THADA: variants seen among roughly 807,000 people sequenced by gnomAD.
THADA encodes the protein THADA armadillo repeat containing.
THADA carries 213 observed loss-of-function variants against 219.8 expected under a neutral mutation model. The observed-to-expected ratio is 0.97, with a 90% CI of 0.87 to 1.09. The LOEUF is 1.09. Among genes scored for constraint, THADA ranks in the 50% least tolerant of loss-of-function variants. THADA has a pLI of 0.00. For synonymous variants in THADA, 1,018 were observed against 828.9 expected (o/e 1.23, Z -3.92); for missense variants, 2,956 against 2,311.3 (o/e 1.28, Z -5.72).
At chr2:43,584,310 G>A (rs1403443795) in intron 7 of THADA, among the ~76,000 whole-genome samples, 1 of 152,156 alleles carries the variant, frequency 6.6e-6, no homozygotes, top group Non-Finnish European at 1.5e-5. Flanking sequence ...CTACCACTCA[G>A]GAAAGAGATC....
intron 26 of THADA, among the ~76,000 whole-genome samples, chr2:43,437,981 A>C (rs1680332307): frequency 6.6e-6 from 1 of 152,184 alleles, no homozygotes; most frequent in Non-Finnish European, 1.5e-5. Context: ...ATAAGTGGTC[A>C]AGAAACAGTA....
intron 26 of THADA, among the ~76,000 whole-genome samples, chr2:43,449,861 C>G (rs1369779931): frequency 6.6e-6 from 1 of 152,146 alleles, no homozygotes; most frequent in Non-Finnish European, 1.5e-5. Flanking sequence ...AGGCAGTGGG[C>G]TGATATATTC....
At chr2:43,482,351 T>C (rs143446721) in intron 26 of THADA, among the ~76,000 whole-genome samples, 1 of 152,150 alleles carries the variant, frequency 6.6e-6, no homozygotes, top group Non-Finnish European at 1.5e-5. Flanking sequence ...TCTTTATATA[T>C]GAAACAGGAA....
intron 28 of THADA, among the ~76,000 whole-genome samples, chr2:43,425,390 C>T (rs749777671): frequency 6.6e-6 from 1 of 151,478 alleles, no homozygotes; most frequent in Non-Finnish European, 1.5e-5. Flanking sequence ...TAATAAATTC[C>T]TTAAACTGCC....
At chr2:43,572,354 T>G (rs888700096) in intron 12 of THADA, among the ~76,000 whole-genome samples, 8 of 152,184 alleles carry the variant, frequency 5.3e-5, no homozygotes, top group Non-Finnish European at 7.3e-5. Context: ...TTCCAAAAAA[T>G]GTCCAAAACA....
At chr2:43,501,306 C>CAAAAAAAAAAAAAAAAAAAAAAAAAAAA (rs1558864377) in intron 24 of THADA, among the ~76,000 whole-genome samples, 2 of 12,280 alleles carry the variant, frequency 1.6e-4, no homozygotes, top group African/African-American at 5.4e-4. Flanking sequence ...AACTCCAACT[C>CAAAAAAAAAAAAAAAAAAAAAAAAAAAA]CAAAAAAAAA....
At chr2:43,421,215 T>G (rs953747598) in intron 28 of THADA, among the ~76,000 whole-genome samples, 5 of 152,188 alleles carry the variant, frequency 3.3e-5, no homozygotes, top group African/African-American at 1.2e-4. Flanking sequence ...AAGCCTGACC[T>G]GGTATCAGAC....
chr2:43,485,343 A>G lies in THADA; in HGVS notation c.3745-18T>C. 1 of 1,564,822 alleles carries G rather than the reference A, an allele frequency of 6.4e-7. No individual in the cohort carries two copies. Among genetic ancestry groups the G allele is most frequent in the South Asian group, 1.1e-5 (1 of 89,444 alleles). On this transcript the variant is annotated intron_variant, in intron 25 of 37. Coordinates refer to ENST00000405975, the MANE Select transcript of THADA (RefSeq NM_022065.5). Reference sequence around the variant, plus strand: ...TTTCGCACCTAATGTACAAACGAAAACACAATAAGGCTTAAATATTCTTGG... The same window carrying G: ...TTTCGCACCTAATGTACAAACGAAAGCACAATAAGGCTTAAATATTCTTGG...
At chr2:43,556,081 A>G (rs968821057) in intron 17 of THADA, 11 of 773,454 alleles carry the variant, frequency 1.4e-5, no homozygotes, top group Non-Finnish European at 1.8e-5. Flanking sequence ...CTTTTGGTGG[A>G]GAAAGAGGTC....
At chr2:43,336,335 G>A (rs991766317) in intron 30 of THADA, among the ~76,000 whole-genome samples, 3 of 151,934 alleles carry the variant, frequency 2.0e-5, no homozygotes, top group African/African-American at 7.2e-5. Context: ...GCAGTGGCGC[G>A]ATCTCGGCTC....
chr2:43,256,849 G>C (rs1054984024), intron 36 of THADA, among the ~76,000 whole-genome samples: 12 of 152,030 alleles, frequency 7.9e-5, no homozygotes, highest in African/African-American at 9.7e-5. Context: ...AAAATGCTGG[G>C]ATTATAGGTG....
intron 36 of THADA, among the ~76,000 whole-genome samples, chr2:43,264,637 G>C (rs1292519920): frequency 1.3e-5 from 2 of 152,140 alleles, no homozygotes; most frequent in African/African-American, 2.4e-5. Flanking sequence ...GGACAAGGCT[G>C]TTCAAAGAGA....
chr2:43,357,159 T>C (rs1199159567), intron 29 of THADA, among the ~76,000 whole-genome samples: 1 of 152,202 alleles, frequency 6.6e-6, no homozygotes, highest in Non-Finnish European at 1.5e-5. Context: ...AATTCACAGA[T>C]GAAATCCAAA....
At chr2:43,304,094 A>G (rs774610673) in intron 31 of THADA, among the ~76,000 whole-genome samples, 2 of 152,140 alleles carry the variant, frequency 1.3e-5, no homozygotes, top group East Asian at 1.9e-4. Context: ...GCCCTTCATC[A>G]TAAGTCAACC....
At chr2:43,470,342 C>T (rs1023457934) in intron 26 of THADA, among the ~76,000 whole-genome samples, 5 of 151,884 alleles carry the variant, frequency 3.3e-5, no homozygotes, top group Non-Finnish European at 5.9e-5. Context: ...TAACCCTACA[C>T]ATTAAAACAT....
intron 28 of THADA, among the ~76,000 whole-genome samples, chr2:43,420,180 G>C (rs765095208): frequency 5.3e-5 from 8 of 152,162 alleles, no homozygotes; most frequent in Non-Finnish European, 1.2e-4. Flanking sequence ...ATTTGGGAAA[G>C]CCTCCCGGAC....
At chr2:43,411,279 T>C (rs907296852) in intron 28 of THADA, among the ~76,000 whole-genome samples, 1 of 152,156 alleles carries the variant, frequency 6.6e-6, no homozygotes, top group Non-Finnish European at 1.5e-5. Context: ...CAAAAATGAG[T>C]GTTCCCCATC....
chr2:43,370,551 T>C (rs1670681774), intron 29 of THADA, among the ~76,000 whole-genome samples: 1 of 152,170 alleles, frequency 6.6e-6, no homozygotes, highest in African/African-American at 2.4e-5. Context: ...ATATAAATTA[T>C]ATAAAACAGA....
chr2:43,293,782 C>T (rs1675032650), intron 31 of THADA, among the ~76,000 whole-genome samples: 1 of 152,230 alleles, frequency 6.6e-6, no homozygotes, highest in South Asian at 2.1e-4. Flanking sequence ...CCTCTGTCTT[C>T]TCCAGATGAA....
Sources: allele counts gnomAD v4.1 joint callset (sites outside exome capture counted in the v4.1 genomes callset), GRCh38; gene constraint gnomAD v4.1.1; transcripts MANE v1.5; gene names NCBI Gene and HGNC (gene_info 2026-07-23, HGNC 2026-07-21).